The following DPP10 variants were observed in gnomAD, a reference collection of about 807,000 sequenced individuals.
DPP10 encodes dipeptidyl peptidase like 10.
A neutral mutation model predicts 120.9 loss-of-function variants in DPP10; 33 were observed. The observed-to-expected ratio is 0.27, with a 90% CI of 0.21 to 0.37. The LOEUF (loss-of-function observed/expected upper bound fraction) is 0.37, where lower values mean the gene tolerates loss of function less well. Among genes scored for constraint, DPP10 ranks in the 10% least tolerant of loss-of-function variants. The probability of loss-of-function intolerance (pLI) is 1.00; values close to 1 mark genes in which losing one functional copy is unlikely to be tolerated. For missense variants in DPP10, 816 were observed against 942.8 expected, an observed-to-expected ratio of 0.87 and a Z score of 1.76; for synonymous variants, 337 against 326.1, an observed-to-expected ratio of 1.03 and a Z score of -0.36.
chr2:115,523,156 T>C (rs751711852), intron 4 of DPP10, among the ~76,000 whole-genome samples: 4 of 152,064 alleles, frequency 2.6e-5, no homozygotes, highest in Non-Finnish European at 5.9e-5. Flanking sequence ...AAAAGATATT[T>C]GGAAAATTTC....
At chr2:115,818,551 G>A (rs143766418) in intron 21 of DPP10, among the ~76,000 whole-genome samples, 11 of 152,306 alleles carry the variant, frequency 7.2e-5, no homozygotes, top group Non-Finnish European at 1.3e-4. Flanking sequence ...GCTGAGTGGT[G>A]ATCAGCAGGT....
At chr2:114,805,990 G>A (rs932329868) in intron 1 of DPP10, among the ~76,000 whole-genome samples, 1 of 152,148 alleles carries the variant, frequency 6.6e-6, no homozygotes, top group African/African-American at 2.4e-5. Context: ...ACCTGGCTGA[G>A]TGAGAACCAT....
At chr2:115,713,733 C>G (rs2092403307) in intron 7 of DPP10, among the ~76,000 whole-genome samples, 2 of 152,202 alleles carry the variant, frequency 1.3e-5, no homozygotes, top group Admixed American at 1.3e-4. Flanking sequence ...CCTCAATTCT[C>G]ATTATCCTCC....
chr2:114,474,967 G>T (rs770256967), intron 1 of DPP10, among the ~76,000 whole-genome samples: 1 of 152,178 alleles, frequency 6.6e-6, no homozygotes, highest in Non-Finnish European at 1.5e-5. Context: ...CATGCATGGC[G>T]CAGGGGCTTC....
intron 1 of DPP10, among the ~76,000 whole-genome samples, chr2:114,819,592 G>A (rs1412156803): frequency 1.3e-5 from 2 of 152,162 alleles, no homozygotes. Flanking sequence ...ATGTTTGATT[G>A]CTTGTTTAAA....
chr2:114,974,382 T>C (rs1009918169), intron 1 of DPP10, among the ~76,000 whole-genome samples: 8 of 151,914 alleles, frequency 5.3e-5, no homozygotes, highest in Non-Finnish European at 1.0e-4. Flanking sequence ...GGTTATTCCA[T>C]GTAGTCTTGG....
intron 1 of DPP10, among the ~76,000 whole-genome samples, chr2:114,676,215 A>G (rs180983064): frequency 4.6e-5 from 7 of 152,276 alleles, no homozygotes; most frequent in Non-Finnish European, 7.4e-5. Flanking sequence ...ATTTGAGACA[A>G]TGCTGATACA....
At chr2:115,203,431 A>G (rs1186432980) in intron 1 of DPP10, among the ~76,000 whole-genome samples, 1 of 151,968 alleles carries the variant, frequency 6.6e-6, no homozygotes, top group African/African-American at 2.4e-5. Context: ...TTCTTTTTTA[A>G]TTTTTTCTAT....
At chr2:114,559,071 A>T (rs1012314423) in intron 1 of DPP10, among the ~76,000 whole-genome samples, 5 of 152,196 alleles carry the variant, frequency 3.3e-5, no homozygotes. Context: ...CATGTCCCAC[A>T]TACACCTGAG....
At chr2:114,527,360 A>G (rs1685589527) in intron 1 of DPP10, among the ~76,000 whole-genome samples, 1 of 152,160 alleles carries the variant, frequency 6.6e-6, no homozygotes, top group Non-Finnish European at 1.5e-5. Flanking sequence ...CTACCAATTT[A>G]GCTTTTTTAC....
chr2:115,210,928 A>G (rs1009036523), intron 1 of DPP10, among the ~76,000 whole-genome samples: 3 of 152,146 alleles, frequency 2.0e-5, no homozygotes, highest in African/African-American at 7.2e-5. Context: ...TAGAGATTCT[A>G]ATGATACAGA....
intron 1 of DPP10, among the ~76,000 whole-genome samples, chr2:115,146,648 CTGAT>C (rs1384650323): frequency 6.6e-6 from 1 of 150,736 alleles, no homozygotes; most frequent in Non-Finnish European, 1.5e-5. Context: ...CTGGTATAGT[CTGAT>C]TGTATCCTCC....
At chr2:115,630,841 C>G (rs985551427) in intron 5 of DPP10, among the ~76,000 whole-genome samples, 5 of 151,982 alleles carry the variant, frequency 3.3e-5, no homozygotes, top group African/African-American at 1.2e-4. Flanking sequence ...TGATGTTTGT[C>G]AGGCATTGAT....
intron 1 of DPP10, among the ~76,000 whole-genome samples, chr2:115,026,482 G>C (rs1004872713): frequency 4.6e-5 from 7 of 152,002 alleles, no homozygotes; most frequent in African/African-American, 1.7e-4. Flanking sequence ...GTTCAGGATT[G>C]CTTTGACTAT....
intron 5 of DPP10, among the ~76,000 whole-genome samples, chr2:115,599,934 G>T (rs929430714): frequency 1.3e-5 from 2 of 152,032 alleles, no homozygotes; most frequent in African/African-American, 4.8e-5. Context: ...GGTCCCAGTG[G>T]TCAACCAGGA....
intron 1 of DPP10, among the ~76,000 whole-genome samples, chr2:115,257,522 C>T (rs1480596223): frequency 6.6e-6 from 1 of 152,104 alleles, no homozygotes; most frequent in Non-Finnish European, 1.5e-5. Context: ...TTTTAAACAA[C>T]TAGATTTTGT....
chr2:115,288,725 AAAAAG>A (rs753468347), intron 1 of DPP10, among the ~76,000 whole-genome samples: 68 of 152,054 alleles, frequency 4.5e-4, no homozygotes, highest in Non-Finnish European at 5.4e-4. Context: ...GCCTCAAAAC[AAAAAG>A]AAAAGAAAAG....
At chr2:115,673,866 A>G (rs750992907) in intron 5 of DPP10, among the ~76,000 whole-genome samples, 6 of 152,162 alleles carry the variant, frequency 3.9e-5, no homozygotes, top group Non-Finnish European at 5.9e-5. Context: ...AATTGTATCT[A>G]ATGATTTTTA....
chr2:115,545,440 CA>C (rs1182970458), intron 5 of DPP10, among the ~76,000 whole-genome samples: 1 of 151,928 alleles, frequency 6.6e-6, no homozygotes, highest in Non-Finnish European at 1.5e-5. Context: ...AGAAAAGCTC[CA>C]AAATTCCAAG....
Sources: allele counts gnomAD v4.1 joint callset (sites outside exome capture counted in the v4.1 genomes callset), GRCh38; gene constraint gnomAD v4.1.1; transcripts MANE v1.5; gene names NCBI Gene and HGNC (gene_info 2026-07-23, HGNC 2026-07-21).